Variants in MAGI2 observed in about 807,000 individuals in gnomAD.
MAGI2 encodes membrane-associated guanylate kinase, WW and PDZ domain-containing protein 2.
MAGI2 carries 35 observed loss-of-function variants against 133.3 expected under a neutral mutation model. That is an observed-to-expected ratio of 0.26 (90% CI 0.20 to 0.35). The LOEUF (loss-of-function observed/expected upper bound fraction) is 0.35, where lower values mean the gene tolerates loss of function less well. Among genes scored for constraint, MAGI2 ranks in the 10% least tolerant of loss-of-function variants. The pLI is 1.00. For missense variants in MAGI2, 1,636 were observed against 1,863.4 expected, an observed-to-expected ratio of 0.88 and a Z score of 2.25; for synonymous variants, 729 against 710.6, an observed-to-expected ratio of 1.03 and a Z score of -0.41.
In MAGI2 at chr7:79,367,858, C is replaced by CATATATATATATATATATATAT. The variant is rs367920302; in HGVS notation, c.301+85161_301+85162insATATATATATATATATATATAT. Among the ~76,000 whole-genome samples the CATATATATATATATATATATAT allele has an allele frequency of 3.9e-3, 338 of 87,064 alleles. 20 individuals carry two copies. Among genetic ancestry groups the CATATATATATATATATATATAT allele is most frequent in the South Asian group, 7.6e-3 (18 of 2,366 alleles). 57.1% of individuals were successfully genotyped at this position (87,064 alleles called of 152,430 possible). A position where few individuals can be genotyped will look rare whatever the true frequency, so the allele number is the denominator to read the frequency against. ...CATATATATATGCTTATATATGTGA[C>CATATATATATATATATATATAT]ATATATATATATATATATGTCATTG... On this transcript the variant is annotated intron_variant, in intron 1 of 21. Coordinates refer to ENST00000354212, the MANE Select transcript of MAGI2 (RefSeq NM_012301.4).
intron 1 of MAGI2, among the ~76,000 whole-genome samples, chr7:79,285,666 T>C (rs979695100): frequency 2.0e-5 from 3 of 152,124 alleles, no homozygotes; most frequent in African/African-American, 7.2e-5. Context: ...CTTGAGTCCA[T>C]GGCTTAATGT....
chr7:79,001,841 G>A (rs1806889805), intron 2 of MAGI2, among the ~76,000 whole-genome samples: 1 of 152,058 alleles, frequency 6.6e-6, no homozygotes, highest in African/African-American at 2.4e-5. Flanking sequence ...AAACAATCCT[G>A]TTTAATCATC....
intron 11 of MAGI2, among the ~76,000 whole-genome samples, chr7:78,195,772 C>T (rs148219611): frequency 1.1e-4 from 16 of 152,296 alleles, no homozygotes; most frequent in African/African-American, 3.4e-4. Context: ...CTCACCATAG[C>T]ACCATAAGAT....
At chr7:78,577,274 A>G (rs1301014893) in intron 3 of MAGI2, among the ~76,000 whole-genome samples, 2 of 152,222 alleles carry the variant, frequency 1.3e-5, no homozygotes, top group Non-Finnish European at 2.9e-5. Context: ...AAGCATGGGA[A>G]AGCCATAAAT....
intron 1 of MAGI2, among the ~76,000 whole-genome samples, chr7:79,402,380 C>T (rs1219152593): frequency 6.6e-6 from 1 of 151,910 alleles, no homozygotes; most frequent in Non-Finnish European, 1.5e-5. Context: ...ATAGGAAGGC[C>T]AAAACTTTCA....
At chr7:79,161,616 G>A (rs1562952503) in intron 1 of MAGI2, among the ~76,000 whole-genome samples, 1 of 152,084 alleles carries the variant, frequency 6.6e-6, no homozygotes, top group Non-Finnish European at 1.5e-5. Context: ...AAATTCTACA[G>A]TGTCTGATAG....
intron 1 of MAGI2, among the ~76,000 whole-genome samples, chr7:79,055,492 A>T (rs866877037): frequency 1.3e-5 from 2 of 152,162 alleles, no homozygotes; most frequent in Non-Finnish European, 2.9e-5. Context: ...GTGCCTAATG[A>T]CATAGATGTT....
rs538385210 is a variant in MAGI2, at chr7:78,451,888, T to C, written c.1045+37873A>G. Among the ~76,000 whole-genome samples, 5 of 152,184 alleles carry C rather than the reference T, an allele frequency of 3.3e-5. No homozygotes were observed. In the East Asian group the frequency reaches 9.7e-4, roughly 29 times the overall value. On this transcript the variant is annotated intron_variant, in intron 6 of 21. Coordinates refer to ENST00000354212, the MANE Select transcript of MAGI2 (RefSeq NM_012301.4). ...CATGAACTTCCCTTTCTGGAGGATA[T>C]CATTATAGGACTAGTATGCTTGGGA...
At chr7:78,541,571 C>T (rs1798416202) in intron 3 of MAGI2, among the ~76,000 whole-genome samples, 1 of 152,146 alleles carries the variant, frequency 6.6e-6, no homozygotes, top group South Asian at 2.1e-4. Flanking sequence ...TGGGAAAAAC[C>T]ACACATTAGA....
chr7:78,054,178 T>G (rs1378369609), intron 21 of MAGI2, among the ~76,000 whole-genome samples: 1 of 152,158 alleles, frequency 6.6e-6, no homozygotes, highest in Admixed American at 6.6e-5. Context: ...CAGGTTGGAG[T>G]GCAGTGGTGT....
At chr7:79,221,195 G>A (rs1830421576) in intron 1 of MAGI2, among the ~76,000 whole-genome samples, 1 of 152,040 alleles carries the variant, frequency 6.6e-6, no homozygotes, top group African/African-American at 2.4e-5. Flanking sequence ...ATAGTTTTCT[G>A]TGACTTCTTA....
rs57469274 is a variant in MAGI2, at chr7:78,903,731, A to AGTGT, written c.418+103355_418+103358dup. Among the ~76,000 whole-genome samples the AGTGT allele has an allele frequency of 2.8e-4, 42 of 150,834 alleles. 1 individual carries two copies. Among genetic ancestry groups the AGTGT allele is most frequent in the African/African-American group, 9.5e-4 (39 of 41,214 alleles). On this transcript the variant is annotated intron_variant, in intron 2 of 21. Transcript: ENST00000354212. The stretch of plus-strand genomic sequence containing the variant: ...ACCTCTCTTTGTCACCAAAGGCAAA[A>AGTGT]GTGTGTGTGTGTGTGTGCGTGTGTG...
At chr7:78,368,081 A>G (rs1019263660) in intron 7 of MAGI2, among the ~76,000 whole-genome samples, 1 of 152,144 alleles carries the variant, frequency 6.6e-6, no homozygotes, top group African/African-American at 2.4e-5. Context: ...TGTGGAGCCA[A>G]AATTGGGGCT....
chr7:78,103,716 T>G (rs1326480027), intron 20 of MAGI2, among the ~76,000 whole-genome samples: 1 of 152,246 alleles, frequency 6.6e-6, no homozygotes, highest in Non-Finnish European at 1.5e-5. Context: ...TATTCTGGTA[T>G]GTAATGAATA....
chr7:78,715,941 A>C (rs1329054687), intron 2 of MAGI2, among the ~76,000 whole-genome samples: 2 of 117,692 alleles, frequency 1.7e-5, no homozygotes, highest in Non-Finnish European at 3.8e-5. Context: ...AACATCTTGG[A>C]ATCATAATTT....
intron 1 of MAGI2, among the ~76,000 whole-genome samples, chr7:79,370,252 T>C: frequency 6.6e-6 from 1 of 152,154 alleles, no homozygotes; most frequent in Admixed American, 6.5e-5. Context: ...TTTTTACCAC[T>C]AGCATTTTCT....
chr7:79,379,735 T>G (rs1045602699), intron 1 of MAGI2, among the ~76,000 whole-genome samples: 2 of 152,000 alleles, frequency 1.3e-5, no homozygotes, highest in African/African-American at 2.4e-5. Context: ...TTTTTTCATG[T>G]GTCTTTTGGC....
intron 7 of MAGI2, among the ~76,000 whole-genome samples, chr7:78,350,927 G>T (rs1791443295): frequency 6.6e-6 from 1 of 152,140 alleles, no homozygotes; most frequent in Non-Finnish European, 1.5e-5. Context: ...GGCTCTTTTA[G>T]TGCATAGTCG....
intron 9 of MAGI2, among the ~76,000 whole-genome samples, chr7:78,280,320 G>C (rs1008797144): frequency 6.6e-6 from 1 of 152,088 alleles, no homozygotes; most frequent in African/African-American, 2.4e-5. Flanking sequence ...AGGGGTGGTG[G>C]TTACTGGTGG....
Sources: gnomAD v4.1 joint callset for allele counts (sites outside exome capture counted in the v4.1 genomes callset) on GRCh38, gnomAD v4.1.1 for gene constraint, MANE v1.5 for transcripts, NCBI Gene and HGNC (gene_info 2026-07-23, HGNC 2026-07-21) for gene names.